The following ERC2 variants were observed in gnomAD, a reference collection of about 807,000 sequenced individuals.
ERC2 encodes ELKS/RAB6-interacting/CAST family member 2, also known as ERC protein 2.
In ERC2, 42 loss-of-function variants were observed where a neutral mutation model predicts 114.8. The ratio of observed to expected loss-of-function variants is 0.37; its 90% CI spans 0.29 to 0.47. The LOEUF (loss-of-function observed/expected upper bound fraction) is 0.47. Ranked by LOEUF, ERC2 falls within the 20% of genes least tolerant of loss-of-function variation. ERC2 has a pLI of 0.99. For missense variants in ERC2, 939 were observed against 1,150.7 expected (o/e 0.82, Z 2.66); for synonymous variants, 454 against 425.5 (o/e 1.07, Z -0.82).
At chr3:55,899,874 T>G (rs149174431) in intron 13 of ERC2, among the ~76,000 whole-genome samples, 1 of 152,304 alleles carries the variant, frequency 6.6e-6, no homozygotes, top group East Asian at 1.9e-4. Flanking sequence ...AAAAGAGTAA[T>G]TAAACCAATT....
chr3:56,371,690 G>A (rs1045109651), intron 2 of ERC2, among the ~76,000 whole-genome samples: 36 of 152,124 alleles, frequency 2.4e-4, no homozygotes, highest in Non-Finnish European at 4.0e-4. Context: ...ACCTCCCAAG[G>A]GCTCAGGTTC....
At chr3:55,765,112 A>G (rs1013218097) in intron 14 of ERC2, among the ~76,000 whole-genome samples, 4 of 152,162 alleles carry the variant, frequency 2.6e-5, no homozygotes, top group Non-Finnish European at 5.9e-5. Context: ...TGAGTCTCCT[A>G]CAAGTCCACA....
chr3:56,076,202 T>A (rs910709757), intron 7 of ERC2, among the ~76,000 whole-genome samples: 1 of 152,152 alleles, frequency 6.6e-6, no homozygotes, highest in Non-Finnish European at 1.5e-5. Context: ...ATAAAGTACC[T>A]CTGCTCTATA....
intron 7 of ERC2, among the ~76,000 whole-genome samples, chr3:56,069,760 T>C (rs545230276): frequency 1.3e-5 from 2 of 152,248 alleles, no homozygotes; most frequent in African/African-American, 2.4e-5. Context: ...GTTCTCAAAA[T>C]CAGCAATCTA....
chr3:55,983,295 A>G (rs2070308108), intron 12 of ERC2, among the ~76,000 whole-genome samples: 1 of 152,184 alleles, frequency 6.6e-6, no homozygotes. Flanking sequence ...TGCTGCATAC[A>G]TTTTTGGAGA....
At chr3:55,808,738 TATATAA>T (rs2059596094) in intron 14 of ERC2, among the ~76,000 whole-genome samples, 1 of 86,650 alleles carries the variant, frequency 1.2e-5, no homozygotes, top group Non-Finnish European at 2.4e-5. Flanking sequence ...TATATATATA[TATATAA>T]CGTATAACTA....
intron 17 of ERC2, among the ~76,000 whole-genome samples, chr3:55,566,817 G>A (rs2056405439): frequency 6.6e-6 from 1 of 151,984 alleles, no homozygotes; most frequent in Non-Finnish European, 1.5e-5. Context: ...TCTCACCTTA[G>A]CCTCCTGAGC....
At chr3:56,294,731 A>T (rs540890171) in intron 3 of ERC2, among the ~76,000 whole-genome samples, 1 of 152,384 alleles carries the variant, frequency 6.6e-6, no homozygotes, top group South Asian at 2.1e-4. Context: ...AGAGGATTAT[A>T]TAATGGTGTG....
At chr3:55,691,265 C>T (rs1452625778) in intron 16 of ERC2, among the ~76,000 whole-genome samples, 3 of 152,030 alleles carry the variant, frequency 2.0e-5, no homozygotes, top group Non-Finnish European at 4.4e-5. Context: ...AACACAGTAT[C>T]CTCCAATCTA....
intron 2 of ERC2, among the ~76,000 whole-genome samples, chr3:56,302,498 C>T (rs1220538494): frequency 1.3e-5 from 2 of 152,040 alleles, no homozygotes; most frequent in African/African-American, 2.4e-5. Context: ...TAAAAACTAG[C>T]TCTAAAGGAC....
At chr3:55,912,823 A>T (rs71309935) in intron 13 of ERC2, among the ~76,000 whole-genome samples, 1 of 152,204 alleles carries the variant, frequency 6.6e-6, no homozygotes, top group African/African-American at 2.4e-5. Context: ...ACAGGAAAGT[A>T]TGAGAGAGAG....
chr3:56,013,162 C>T (rs770937511), intron 8 of ERC2, among the ~76,000 whole-genome samples: 24 of 152,156 alleles, frequency 1.6e-4, no homozygotes, highest in Non-Finnish European at 2.9e-4. Flanking sequence ...TTATTCTTTG[C>T]ACTCTGTTAA....
chr3:55,728,887 C>T (rs1053373494), intron 15 of ERC2, among the ~76,000 whole-genome samples: 2 of 152,196 alleles, frequency 1.3e-5, no homozygotes, highest in African/African-American at 4.8e-5. Flanking sequence ...TTAAAAATCT[C>T]GTCAGGTGTG....
intron 2 of ERC2, among the ~76,000 whole-genome samples, chr3:56,338,536 C>T (rs2057954903): frequency 6.6e-6 from 1 of 152,212 alleles, no homozygotes; most frequent in Non-Finnish European, 1.5e-5. Context: ...CCTTTCCATC[C>T]CAGTCTCAAG....
intron 2 of ERC2, among the ~76,000 whole-genome samples, chr3:56,401,794 ACAG>A (rs2060529724): frequency 6.6e-6 from 1 of 152,212 alleles, no homozygotes; most frequent in South Asian, 2.1e-4. Flanking sequence ...GCAGCAGTGT[ACAG>A]CAGCAGCAGA....
chr3:55,691,754 G>GA (rs2062682020), intron 16 of ERC2, among the ~76,000 whole-genome samples: 1 of 151,496 alleles, frequency 6.6e-6, no homozygotes, highest in Non-Finnish European at 1.5e-5. Flanking sequence ...ACTTTAGTAA[G>GA]CCCTGATATA....
intron 2 of ERC2, among the ~76,000 whole-genome samples, chr3:56,348,764 T>C (rs2058408667): frequency 6.6e-6 from 1 of 151,826 alleles, no homozygotes; most frequent in East Asian, 1.9e-4. Flanking sequence ...CGATTGAAAC[T>C]ATTTATTAGT....
intron 8 of ERC2, among the ~76,000 whole-genome samples, chr3:56,017,788 T>C (rs1485045507): frequency 1.3e-5 from 2 of 152,032 alleles, no homozygotes; most frequent in African/African-American, 4.8e-5. Context: ...TCCACTAGAG[T>C]CTAAACTCCA....
rs541646140 is a variant in ERC2, at chr3:56,306,151, A to C, written c.658-9716T>G. Among the ~76,000 whole-genome samples, 6 of 152,218 alleles carry C rather than the reference A, an allele frequency of 3.9e-5. 1 individual carries two copies. The highest frequency in any genetic ancestry group is 1.4e-4 in the African/African-American group (6 of 41,556). On this transcript the variant is annotated intron_variant, in intron 2 of 17. Coordinates refer to ENST00000288221, the MANE Select transcript of ERC2 (RefSeq NM_015576.3). The stretch of plus-strand genomic sequence containing the variant: ...GGTGTGAGCCACGGCTCCCAGCCTT[A>C]TATATTGTCTATTGCTACTTTTGTA...
Sources: allele counts gnomAD v4.1 joint callset (sites outside exome capture counted in the v4.1 genomes callset), GRCh38; gene constraint gnomAD v4.1.1; transcripts MANE v1.5; gene names NCBI Gene and HGNC (gene_info 2026-07-23, HGNC 2026-07-21).